The following GABRB2 variants were observed in gnomAD, a reference collection of about 807,000 sequenced individuals.
GABRB2 encodes the protein gamma-aminobutyric acid receptor subunit beta-2.
In GABRB2, 16 loss-of-function variants were observed where a neutral mutation model predicts 54.7. That is an observed-to-expected ratio of 0.29 (90% CI 0.20 to 0.44). The LOEUF is 0.44. Among genes scored for constraint, GABRB2 ranks in the 20% least tolerant of loss-of-function variants. GABRB2 has a pLI of 1.00. For synonymous variants in GABRB2, 244 were observed against 233.8 expected, an observed-to-expected ratio of 1.04 and a Z score of -0.40; for missense variants, 355 against 644.0, an observed-to-expected ratio of 0.55 and a Z score of 4.86.
At chr5:161,507,018 G>A (rs898542030) in intron 3 of GABRB2, among the ~76,000 whole-genome samples, 4 of 152,002 alleles carry the variant, frequency 2.6e-5, no homozygotes, top group Non-Finnish European at 4.4e-5. Flanking sequence ...GAAATTAGTC[G>A]GGTAAGAAAA....
intron 3 of GABRB2, among the ~76,000 whole-genome samples, chr5:161,487,877 C>T (rs960714369): frequency 1.3e-5 from 2 of 151,822 alleles, no homozygotes; most frequent in African/African-American, 4.8e-5. Flanking sequence ...ACTTTTACTA[C>T]CCATGAGTTC....
chr5:161,510,324 A>C (rs1481630459), intron 3 of GABRB2, among the ~76,000 whole-genome samples: 2 of 136,136 alleles, frequency 1.5e-5, no homozygotes, highest in Non-Finnish European at 3.1e-5. Flanking sequence ...TTGATTTTTT[A>C]GACCGCACTA....
At chr5:161,485,429 G>T (rs966689647) in intron 3 of GABRB2, among the ~76,000 whole-genome samples, 2 of 152,024 alleles carry the variant, frequency 1.3e-5, no homozygotes, top group African/African-American at 4.8e-5. Flanking sequence ...AGAGAAAATG[G>T]AGGTCACTAC....
At chr5:161,368,980 A>T (rs141859566) in intron 5 of GABRB2, among the ~76,000 whole-genome samples, 1 of 152,310 alleles carries the variant, frequency 6.6e-6, no homozygotes, top group Non-Finnish European at 1.5e-5. Flanking sequence ...TTTATGACAG[A>T]ATCAGTTTTA....
chr5:161,485,237 T>A (rs74743362), intron 3 of GABRB2, among the ~76,000 whole-genome samples: 6,432 of 152,046 alleles, frequency 0.042, 414 homozygotes, highest in Admixed American at 0.16. Flanking sequence ...CAACAATTCA[T>A]ATTTCTCCTG....
intron 5 of GABRB2, among the ~76,000 whole-genome samples, chr5:161,369,957 C>G (rs1182864278): frequency 6.6e-6 from 1 of 152,008 alleles, no homozygotes; most frequent in African/African-American, 2.4e-5. Flanking sequence ...TCTCTGCTTG[C>G]CAGGCTCCTC....
chr5:161,294,698 T>G (rs914489042), intron 9 of GABRB2, among the ~76,000 whole-genome samples: 17 of 152,354 alleles, frequency 1.1e-4, no homozygotes, highest in African/African-American at 4.1e-4. Context: ...AGTATCATTT[T>G]CATTAGTTCT....
intron 4 of GABRB2, among the ~76,000 whole-genome samples, chr5:161,456,881 G>C (rs1336206224): frequency 6.6e-6 from 1 of 152,134 alleles, no homozygotes; most frequent in Non-Finnish European, 1.5e-5. Flanking sequence ...AGTAGCAGGA[G>C]GGGCAAAGTA....
intron 3 of GABRB2, among the ~76,000 whole-genome samples, chr5:161,540,810 T>A (rs1760787326): frequency 6.6e-6 from 1 of 152,090 alleles, no homozygotes; most frequent in African/African-American, 2.4e-5. Flanking sequence ...ATTTTCTTGT[T>A]GTTTTGTTTG....
chr5:161,405,785 T>C (rs1435030208), intron 5 of GABRB2, among the ~76,000 whole-genome samples: 1 of 152,078 alleles, frequency 6.6e-6, no homozygotes, highest in Non-Finnish European at 1.5e-5. Flanking sequence ...ATTAGCTCCT[T>C]GTTATAGCAA....
At chr5:161,454,732 C>T (rs1367914704) in intron 4 of GABRB2, among the ~76,000 whole-genome samples, 1 of 152,154 alleles carries the variant, frequency 6.6e-6, no homozygotes, top group Non-Finnish European at 1.5e-5. Flanking sequence ...TTGATAGCAT[C>T]TAATTCACCC....
intron 9 of GABRB2, among the ~76,000 whole-genome samples, chr5:161,317,767 G>T (rs948083730): frequency 1.3e-4 from 19 of 151,768 alleles, no homozygotes; most frequent in Non-Finnish European, 1.5e-4. Context: ...TAGAACTCTT[G>T]AAACTGAAAA....
chr5:161,305,864 T>C (rs888284761), intron 9 of GABRB2, among the ~76,000 whole-genome samples: 1 of 152,186 alleles, frequency 6.6e-6, no homozygotes, highest in Non-Finnish European at 1.5e-5. Flanking sequence ...GGAGCTATGT[T>C]TTTTTCCCTG....
chr5:161,439,934 T>A (rs1162611540), intron 4 of GABRB2, among the ~76,000 whole-genome samples: 2 of 151,722 alleles, frequency 1.3e-5, no homozygotes, highest in Admixed American at 1.3e-4. Context: ...TGTTTACCTA[T>A]ATAACAAACC....
At chr5:161,399,516 CTACTT>C (rs1489638352) in intron 5 of GABRB2, among the ~76,000 whole-genome samples, 1 of 152,136 alleles carries the variant, frequency 6.6e-6, no homozygotes, top group African/African-American at 2.4e-5. Context: ...AGAGCAGTGA[CTACTT>C]TATTAAGCAG....
At chr5:161,412,007 T>C (rs1561641198) in intron 4 of GABRB2, among the ~76,000 whole-genome samples, 1 of 152,142 alleles carries the variant, frequency 6.6e-6, no homozygotes, top group Non-Finnish European at 1.5e-5. Context: ...AAATTAAAAG[T>C]AGAAACTAAC....
intron 7 of GABRB2, among the ~76,000 whole-genome samples, chr5:161,333,912 A>G (rs1380300407): frequency 2.0e-5 from 3 of 152,226 alleles, no homozygotes; most frequent in Non-Finnish European, 4.4e-5. Flanking sequence ...ACCACATTGT[A>G]TAATTTATGT....
intron 3 of GABRB2, among the ~76,000 whole-genome samples, chr5:161,527,047 A>G (rs570152777): frequency 6.6e-6 from 1 of 151,560 alleles, no homozygotes; most frequent in South Asian, 2.1e-4. Flanking sequence ...CTATTTCATA[A>G]TGGCCAAGTA....
intron 5 of GABRB2, among the ~76,000 whole-genome samples, chr5:161,342,812 G>A (rs1754211043): frequency 6.6e-6 from 1 of 151,986 alleles, no homozygotes; most frequent in Non-Finnish European, 1.5e-5. Flanking sequence ...AATGTTTCCA[G>A]GAGAGAAAAA....
Sources: allele counts gnomAD v4.1 joint callset (sites outside exome capture counted in the v4.1 genomes callset), GRCh38; gene constraint gnomAD v4.1.1; transcripts MANE v1.5; gene names NCBI Gene and HGNC (gene_info 2026-07-23, HGNC 2026-07-21).